CCDC50: variants seen among roughly 807,000 people sequenced by gnomAD.
The protein encoded by CCDC50 is coiled-coil domain containing 50.
Under a neutral mutation model 70.2 loss-of-function variants are expected in CCDC50, and 54 were observed. The ratio of observed to expected loss-of-function variants is 0.77; its 90% CI spans 0.62 to 0.96. CCDC50 has a LOEUF of 0.96. Among genes scored for constraint, CCDC50 ranks in the 50% least tolerant of loss-of-function variants. The pLI, the probability that CCDC50 is intolerant of heterozygous loss-of-function variation, is 0.00. For synonymous variants in CCDC50, 216 were observed against 198.8 expected (o/e 1.09, Z -0.73); for missense variants, 558 against 578.7 (o/e 0.96, Z 0.37).
chr3:191,349,390 C>G (rs1712031257), intron 1 of CCDC50, among the ~76,000 whole-genome samples: 2 of 141,980 alleles, frequency 1.4e-5, no homozygotes, highest in South Asian at 4.4e-4. Context: ...ACACATGAGT[C>G]TAAAATTGAA....
At chr3:191,386,618 C>T (rs1344434705) in intron 10 of CCDC50, among the ~76,000 whole-genome samples, 1 of 152,170 alleles carries the variant, frequency 6.6e-6, no homozygotes, top group Non-Finnish European at 1.5e-5. Context: ...ACTTGATAAA[C>T]AACTTAAGCA....
intron 6 of CCDC50, among the ~76,000 whole-genome samples, chr3:191,376,953 T>G (rs1713136788): frequency 6.6e-6 from 1 of 152,134 alleles, no homozygotes; most frequent in Admixed American, 6.6e-5. Flanking sequence ...TGAGGGCTAG[T>G]TAGGCTTTAT....
chr3:191,361,282 T>C (rs1159810676), intron 4 of CCDC50, 123 bp downstream of exon 4: 6 of 724,650 alleles, frequency 8.3e-6, no homozygotes, highest in Non-Finnish European at 1.3e-5. Flanking sequence ...ATGCCTCTTA[T>C]TTGGGCTGCA....
In CCDC50 at chr3:191,397,611, A is replaced by G. The variant is rs1713901302; in HGVS notation, c.*5851A>G. On this transcript the variant is annotated 3_prime_UTR_variant, in exon 12 of 12. Transcript: ENST00000392455. ...AAAGTACAAGAGTTTGCTCATATAA[A>G]TCAAGTTGCCCAGGAAACCTGAGGT... is the stretch of plus-strand genomic sequence containing the variant. 1 of 152,206 alleles carries G rather than the reference A, an allele frequency of 6.6e-6. No homozygotes were observed. The highest frequency in any genetic ancestry group is 6.5e-5 in the Admixed American group (1 of 15,278). The allele number at this position is 152,206 out of a possible 1,614,324, so 9.4% of individuals were successfully genotyped here.
chr3:191,358,202 G>GA, intron 3 of CCDC50, 78 bp downstream of exon 3: 1 of 1,523,854 alleles, frequency 6.6e-7, no homozygotes, highest in Middle Eastern at 1.8e-4. Context: ...AGGGGAGAAG[G>GA]AGACTACTTC....
chr3:191,384,631 C>T (rs770615558), intron 10 of CCDC50, among the ~76,000 whole-genome samples: 2 of 152,022 alleles, frequency 1.3e-5, no homozygotes, highest in African/African-American at 2.4e-5. Context: ...TTCTACTCTT[C>T]GTGTATGTGT....
At chr3:191,358,211 T>A (rs1576958741) in intron 3 of CCDC50, 87 bp downstream of exon 3, 1 of 1,474,202 alleles carries the variant, frequency 6.8e-7, no homozygotes. Flanking sequence ...GGAGACTACT[T>A]CTGTTCCTCT....
intron 6 of CCDC50, among the ~76,000 whole-genome samples, chr3:191,376,022 A>T (rs565263181): frequency 5.5e-4 from 83 of 152,216 alleles, no homozygotes; most frequent in Non-Finnish European, 8.7e-4. Context: ...GAAATACTGT[A>T]TTTTTTAGAC....
chr3:191,335,333 A>G (rs777316695), intron 1 of CCDC50, among the ~76,000 whole-genome samples: 2 of 152,224 alleles, frequency 1.3e-5, no homozygotes, highest in African/African-American at 2.4e-5. Flanking sequence ...AGAGGTAGCC[A>G]CTGGAAGTGC....
At position 191,353,868 on chromosome 3, in the gene CCDC50, A is replaced by G. The variant is rs973896750; in HGVS notation, c.50-3220A>G. 5.1e-5 allele frequency among the ~76,000 whole-genome samples: 5 copies of G among 98,362 alleles called. 2 individuals carry two copies. The highest frequency in any genetic ancestry group is 1.6e-4 in the African/African-American group (5 of 31,850). 64.5% of individuals were successfully genotyped at this position (98,362 alleles called of 152,430 possible). A position where few individuals can be genotyped will look rare whatever the true frequency, so the allele number is the denominator to read the frequency against. ...TCCTCATAATCATTGAAAATCTTCC[A>G]GATCCCCTTCTAGCTCAGGCCCTCC... On this transcript the variant is annotated intron_variant, in intron 1 of 11. Transcript: ENST00000392455.
chr3:191,375,026 C>T (rs1400474336), intron 5 of CCDC50, 36 bp from the exon 6 acceptor site: 2 of 1,605,386 alleles, frequency 1.2e-6, no homozygotes, highest in East Asian at 2.2e-5. Context: ...AATTAATCTG[C>T]ATTTTTATTT....
intron 1 of CCDC50, among the ~76,000 whole-genome samples, chr3:191,333,863 C>G (rs549520979): frequency 2.0e-5 from 3 of 151,884 alleles, no homozygotes; most frequent in Non-Finnish European, 2.9e-5. Flanking sequence ...ATAAAAACTT[C>G]GAATTTTTTT....
intron 1 of CCDC50, among the ~76,000 whole-genome samples, chr3:191,347,794 C>T (rs1176837461): frequency 7.0e-6 from 1 of 142,210 alleles, no homozygotes; most frequent in East Asian, 1.9e-4. Flanking sequence ...AGCTCCATAG[C>T]CTTGTTTCAG....
At position 191,368,275 on chromosome 3, in the gene CCDC50, G is replaced by A. The variant is rs1016226933; in HGVS notation, c.331-1644G>A. Reference sequence around the variant, plus strand: ...TTCTATTCATGAAAAGTATACTTATGTTAAGTAGGATTATGATATCTTTTA... The same window carrying A: ...TTCTATTCATGAAAAGTATACTTATATTAAGTAGGATTATGATATCTTTTA... On this transcript the variant is annotated intron_variant, in intron 4 of 11. Coordinates refer to ENST00000392455, the MANE Select transcript of CCDC50 (RefSeq NM_178335.3). Among the ~76,000 whole-genome samples the A allele has an allele frequency of 2.7e-5, 4 of 148,004 alleles. No homozygotes were observed. The East Asian group carries it at 7.7e-4, about 28-fold the overall frequency.
intron 6 of CCDC50, among the ~76,000 whole-genome samples, chr3:191,379,260 G>A (rs1408560465): frequency 3.3e-5 from 5 of 152,076 alleles, no homozygotes; most frequent in South Asian, 4.2e-4. Flanking sequence ...ATTTTTATAC[G>A]TGTTCAAAGC....
Position 191,377,050 on chromosome 3 carries a change from G to A in CCDC50, c.976+1461G>A, listed in dbSNP as rs756846908. On this transcript the variant is annotated intron_variant, in intron 6 of 11. Coordinates refer to ENST00000392455, the MANE Select transcript of CCDC50 (RefSeq NM_178335.3). ...ACTCACAGGCTCCACTACTGGAATT[G>A]CAAATGTTTTGTTTTTTATTTTGCC... Among the ~76,000 whole-genome samples, 103 of 152,256 alleles carry A rather than the reference G, an allele frequency of 6.8e-4. 1 individual carries two copies. Among genetic ancestry groups the A allele is most frequent in the Middle Eastern group, 3.4e-3 (1 of 294 alleles).
intron 1 of CCDC50, among the ~76,000 whole-genome samples, chr3:191,347,985 A>C (rs1338893766): frequency 7.0e-6 from 1 of 142,682 alleles, no homozygotes; most frequent in Non-Finnish European, 1.6e-5. Context: ...AAAATGATCC[A>C]TAATATTTTT....
intron 4 of CCDC50, among the ~76,000 whole-genome samples, chr3:191,363,894 G>A (rs1576961994): frequency 6.6e-6 from 1 of 152,120 alleles, no homozygotes; most frequent in African/African-American, 2.4e-5. Flanking sequence ...ATTAAATGAA[G>A]AAAATTTGCG....
rs1299206129 is a variant in CCDC50, at chr3:191,375,512, A to G, written c.899A>G (p.Glu300Gly). The G allele has an allele frequency of 6.2e-7, 1 of 1,613,686 alleles. No homozygotes were observed. Among genetic ancestry groups the G allele is most frequent in the Admixed American group, 1.7e-5 (1 of 59,944 alleles). Residue 300 changes from glutamate to glycine, a missense_variant, in exon 6 of 12, where the codon GAG (glutamate) becomes GGG (glycine). Physicochemically the swap from Glu to Gly is moderately conservative, Grantham distance 98 (BLOSUM62 -2). Transcript: ENST00000392455. ...VVYGRDHGQG[E>G]HRKRRHRPRT... ...TATGGGAGGGACCATGGGCAAGGTGAGCACAGAAAAAGGAGACACAGGCCC... is the reference window on the plus strand; with the variant it reads ...TATGGGAGGGACCATGGGCAAGGTGGGCACAGAAAAAGGAGACACAGGCCC...
Sources: gnomAD v4.1 joint callset for allele counts (sites outside exome capture counted in the v4.1 genomes callset) on GRCh38, gnomAD v4.1.1 for gene constraint, MANE v1.5 for transcripts, NCBI Gene and HGNC (gene_info 2026-07-23, HGNC 2026-07-21) for gene names.